Variants in CNBP observed in about 807,000 individuals in gnomAD.
The protein encoded by CNBP is CCHC-type zinc finger nucleic acid binding protein.
A neutral mutation model predicts 21.2 loss-of-function variants in CNBP; 6 were observed. The ratio of observed to expected loss-of-function variants is 0.28; its 90% CI spans 0.16 to 0.56. The LOEUF (loss-of-function observed/expected upper bound fraction) is 0.56. Among genes scored for constraint, CNBP ranks in the 20% least tolerant of loss-of-function variants. The pLI is 0.93. For synonymous variants in CNBP, 61 were observed against 74.9 expected (o/e 0.81, Z 0.96); for missense variants, 112 against 233.1 (o/e 0.48, Z 3.38).
Position 129,171,149 on chromosome 3 carries a change from C to T in CNBP, c.346G>A (p.Glu116Lys). 6.2e-7 allele frequency: 1 copy of T among 1,614,248 alleles called. No homozygotes were observed. The highest frequency in any genetic ancestry group is 8.5e-7 in the Non-Finnish European group (1 of 1,180,058). Residue 116 changes from glutamate (E) to lysine (K), a missense_variant, in exon 4 of 5, where the codon GAG becomes AAG. Coordinates refer to ENST00000422453, the MANE Select transcript of CNBP (RefSeq NM_003418.5). Reference sequence around the variant, plus strand: ...TCTCCACAAGAATAGCATTTCTGCTCATCTGCATGGTCGCAGTCACGAGCC... The same window carrying T: ...TCTCCACAAGAATAGCATTTCTGCTTATCTGCATGGTCGCAGTCACGAGCC... ...HLARDCDHADEQKCYSCGEFG... is the reference protein window; with the variant it reads ...HLARDCDHADKQKCYSCGEFG...
Position 129,170,399 on chromosome 3 carries a change from G to C in CNBP, c.*54C>G. On this transcript the variant is annotated 3_prime_UTR_variant, in exon 5 of 5. Coordinates refer to ENST00000422453, the MANE Select transcript of CNBP (RefSeq NM_003418.5). ...ACCTTTGGCCAGTGAAGAGGATTCA[G>C]AGAAAATAATACAACCATCAATCAG... 1 of 1,467,816 alleles carries C rather than the reference G, an allele frequency of 6.8e-7. No individual in the cohort carries two copies. The highest frequency in any genetic ancestry group is 1.7e-5 in the Admixed American group (1 of 59,718). 90.9% of individuals were successfully genotyped at this position (1,467,816 alleles called of 1,614,324 possible). A position where few individuals can be genotyped will look rare whatever the true frequency, so the allele number is the denominator to read the frequency against.
At chr3:129,183,530 G>A (rs541384427) in intron 1 of CNBP, among the ~76,000 whole-genome samples, 8 of 152,366 alleles carry the variant, frequency 5.3e-5, no homozygotes, top group Admixed American at 1.3e-4. Context: ...GGCGCCGAAA[G>A]ACCCGCATGC....
rs368723690 is a variant in CNBP, at chr3:129,178,158, C to CAAA, written c.-15+5615_-15+5617dup. 1.2e-3 allele frequency among the ~76,000 whole-genome samples: 121 copies of CAAA among 102,944 alleles called. 1 individual carries two copies. The highest frequency in any genetic ancestry group is 1.4e-3 in the South Asian group (4 of 2,916). 67.5% of individuals were successfully genotyped at this position (102,944 alleles called of 152,430 possible). A position where few individuals can be genotyped will look rare whatever the true frequency, so the allele number is the denominator to read the frequency against. ...TGGGCAACAGAGCAAGACTCTGTCT[C>CAAA]AAAAAAAAAAAAAAAAAAAAATAAG... is the stretch of plus-strand genomic sequence containing the variant. On this transcript the variant is annotated intron_variant, in intron 1 of 4. Transcript: ENST00000422453.
intron 1 of CNBP, among the ~76,000 whole-genome samples, chr3:129,174,861 T>G (rs79168721): frequency 0.028 from 4,222 of 152,140 alleles, 178 homozygotes; most frequent in African/African-American, 0.096. Flanking sequence ...GGCCTGAATA[T>G]CTTATAATTT....
At position 129,169,713 on chromosome 3, in the gene CNBP, A is replaced by G. The variant is rs1031247500; in HGVS notation, c.*740T>C. ...CACAGTTGTCTAAGTGATATAGTAT[A>G]CAAAAATAACATCTTGATTTCTGTG... is the stretch of plus-strand genomic sequence containing the variant. On this transcript the variant is annotated 3_prime_UTR_variant, in exon 5 of 5. Transcript: ENST00000422453. 2 of 215,498 alleles carry G rather than the reference A, an allele frequency of 9.3e-6. No individual in the cohort carries two copies. The highest frequency in any genetic ancestry group is 1.9e-5 in the Non-Finnish European group (2 of 106,728). 13.3% of individuals were successfully genotyped at this position (215,498 alleles called of 1,614,324 possible).
In CNBP at chr3:129,183,561, G is replaced by A. The variant is rs559498865; in HGVS notation, c.-15+215C>T. Among the ~76,000 whole-genome samples the A allele has an allele frequency of 6.6e-5, 10 of 152,380 alleles. No homozygotes were observed. The South Asian group carries it at 1.0e-3, about 16-fold the overall frequency. On this transcript the variant is annotated intron_variant, in intron 1 of 4. Transcript: ENST00000422453. ...CATGCTCGGCGACCCAGCTTTCCAG[G>A]ACGAAGAAAGGACAGAAGTGTCGTC...
chr3:129,174,435 G>A (rs12330426), intron 1 of CNBP, among the ~76,000 whole-genome samples: 7 of 148,438 alleles, frequency 4.7e-5, no homozygotes, highest in African/African-American at 1.7e-4. Context: ...GGAGGCCGAC[G>A]AGGATGGTTC....
At chr3:129,181,649 CAG>C (rs1487401962) in intron 1 of CNBP, among the ~76,000 whole-genome samples, 1 of 72,196 alleles carries the variant, frequency 1.4e-5, no homozygotes, top group African/African-American at 7.0e-5. Flanking sequence ...GACTCCGTCT[CAG>C]AAAAAAAAAA....
intron 1 of CNBP, among the ~76,000 whole-genome samples, chr3:129,177,359 T>C (rs2107643134): frequency 6.6e-6 from 1 of 152,276 alleles, no homozygotes; most frequent in East Asian, 1.9e-4. Flanking sequence ...TCAACCTGGG[T>C]TAATCACTTA....
At position 129,170,265 on chromosome 3, in the gene CNBP, CAT is replaced by C. The variant is rs1399400646; in HGVS notation, c.*186_*187del. ...TACATAACACCTCTACCAAACTAAA[CAT>C]AAACTTTTTTTGTAGTTAAATGCAG... On this transcript the variant is annotated 3_prime_UTR_variant, in exon 5 of 5. Coordinates refer to ENST00000422453, the MANE Select transcript of CNBP (RefSeq NM_003418.5). 7 of 596,740 alleles carry C rather than the reference CAT, an allele frequency of 1.2e-5. No homozygotes were observed. Among genetic ancestry groups the C allele is most frequent in the African/African-American group, 7.4e-5 (4 of 53,806 alleles). The allele number at this position is 596,740 out of a possible 1,614,324, so 37.0% of individuals were successfully genotyped here.
rs56241910 is a variant in CNBP, at chr3:129,172,640, G to A, written c.-14-869C>T. ...GACAGGCAGCCAGGCAGGCAGGCAGGCAGGCAGGCAGGCAGGCAGACAGAC... is the reference window on the plus strand; with the variant it reads ...GACAGGCAGCCAGGCAGGCAGGCAGACAGGCAGGCAGGCAGGCAGACAGAC... On this transcript the variant is annotated intron_variant, in intron 1 of 4. Coordinates refer to ENST00000422453, the MANE Select transcript of CNBP (RefSeq NM_003418.5). 2.3e-3 allele frequency among the ~76,000 whole-genome samples: 78 copies of A among 34,328 alleles called. 1 individual carries two copies. The highest frequency in any genetic ancestry group is 4.9e-3 in the South Asian group (4 of 810). The allele number at this position is 34,328 out of a possible 152,430, so 22.5% of individuals were successfully genotyped here. A position where few individuals can be genotyped will look rare whatever the true frequency, so the allele number is the denominator to read the frequency against.
At chr3:129,182,899 GCCACT>G (rs947534303) in intron 1 of CNBP, among the ~76,000 whole-genome samples, 2 of 151,978 alleles carry the variant, frequency 1.3e-5, no homozygotes, top group Admixed American at 1.3e-4. Context: ...CAGCAGTCTC[GCCACT>G]CCAAACACAA....
chr3:129,179,093 C>G (rs982681420), intron 1 of CNBP, among the ~76,000 whole-genome samples: 4 of 151,928 alleles, frequency 2.6e-5, no homozygotes, highest in African/African-American at 4.8e-5. Flanking sequence ...GCCTGACCAA[C>G]ATGGAGAAAT....
At position 129,181,655 on chromosome 3, in the gene CNBP, A is replaced by AAAAAAAAAAAAAAAAG. The variant is rs1264573788; in HGVS notation, c.-15+2120_-15+2121insCTTTTTTTTTTTTTTT. Reference sequence around the variant, plus strand: ...ACAGAGTGAGACTCCGTCTCAGAAAAAAAAAAAGAAAAACCCCTGGTCTTC... The same window carrying AAAAAAAAAAAAAAAAG: ...ACAGAGTGAGACTCCGTCTCAGAAAAAAAAAAAAAAAAAAAGAAAAAAAGAAAAACCCCTGGTCTTC... On this transcript the variant is annotated intron_variant, in intron 1 of 4. Transcript: ENST00000422453. Among the ~76,000 whole-genome samples the AAAAAAAAAAAAAAAAG allele has an allele frequency of 7.5e-4, 106 of 141,806 alleles. 6 individuals are homozygous for AAAAAAAAAAAAAAAAG. Among genetic ancestry groups the AAAAAAAAAAAAAAAAG allele is most frequent in the African/African-American group, 3.0e-3 (101 of 34,186 alleles). 93.0% of individuals were successfully genotyped at this position (141,806 alleles called of 152,430 possible).
At chr3:129,174,675 AAG>A (rs1274608295) in intron 1 of CNBP, among the ~76,000 whole-genome samples, 20 of 148,784 alleles carry the variant, frequency 1.3e-4, no homozygotes, top group Admixed American at 6.1e-4. Context: ...AAAAAAAAAA[AAG>A]GCATATAAAA....
intron 1 of CNBP, among the ~76,000 whole-genome samples, chr3:129,176,260 A>G (rs1576919063): frequency 6.6e-6 from 1 of 151,788 alleles, no homozygotes; most frequent in Non-Finnish European, 1.5e-5. Context: ...CTCCTTTTCC[A>G]CCTGTCACAA....
In CNBP at chr3:129,170,074, A is replaced by C; in HGVS notation, c.*379T>G. Reference sequence around the variant, plus strand: ...CAAGACCATCATTATACTAAAATTAAAGTTATTTATGGAAGTTCATAGACA... The same window carrying C: ...CAAGACCATCATTATACTAAAATTACAGTTATTTATGGAAGTTCATAGACA... On this transcript the variant is annotated 3_prime_UTR_variant, in exon 5 of 5. Transcript: ENST00000422453. The C allele has an allele frequency of 3.8e-6, 1 of 263,648 alleles. No individual in the cohort carries two copies. Among genetic ancestry groups the C allele is most frequent in the East Asian group, 5.3e-5 (1 of 18,716 alleles). The allele number at this position is 263,648 out of a possible 1,614,324, so 16.3% of individuals were successfully genotyped here. A position where few individuals can be genotyped will look rare whatever the true frequency, so the allele number is the denominator to read the frequency against.
intron 1 of CNBP, among the ~76,000 whole-genome samples, chr3:129,183,355 C>G (rs1427190165): frequency 6.6e-6 from 1 of 152,320 alleles, no homozygotes; most frequent in East Asian, 1.9e-4. Flanking sequence ...CCCCTTCATC[C>G]GCAGCCGGGA....
intron 1 of CNBP, among the ~76,000 whole-genome samples, chr3:129,176,431 T>C (rs2060228048): frequency 6.6e-6 from 1 of 152,198 alleles, no homozygotes; most frequent in Non-Finnish European, 1.5e-5. Context: ...TCCTTGAAGG[T>C]AGAGACCAAG....
Sources: gnomAD v4.1 joint callset for allele counts (sites outside exome capture counted in the v4.1 genomes callset) on GRCh38, gnomAD v4.1.1 for gene constraint, MANE v1.5 for transcripts, NCBI Gene and HGNC (gene_info 2026-07-23, HGNC 2026-07-21) for gene names.